The following CNGB3 variants were observed in gnomAD, a reference collection of about 807,000 sequenced individuals.
CNGB3 encodes cyclic nucleotide-gated channel beta-3.
Under a neutral mutation model 92.8 loss-of-function variants are expected in CNGB3, and 86 were observed. That is an observed-to-expected ratio of 0.93 (90% CI 0.78 to 1.11). The LOEUF is 1.11. CNGB3 is among the 50% of genes least tolerant of loss of function. The probability of loss-of-function intolerance (pLI) is 0.00; values close to 1 mark genes in which losing one functional copy is unlikely to be tolerated. For missense variants in CNGB3, 1,026 were observed against 956.8 expected, an observed-to-expected ratio of 1.07 and a Z score of -0.95; for synonymous variants, 333 against 332.7, an observed-to-expected ratio of 1.00 and a Z score of -0.01.
Position 86,658,986 on chromosome 8 carries a change from T to G in CNGB3, c.853-4924A>C, listed in dbSNP as rs537330288. On this transcript the variant is annotated intron_variant, in intron 6 of 17. Coordinates refer to ENST00000320005, the MANE Select transcript of CNGB3 (RefSeq NM_019098.5). ...ATTGTCTTGCACCTGGGCTTGGAGC[T>G]GTCCTGCCAGACCCTCCAGCTCCTT... The G allele has an allele frequency of 5.6e-6, 6 of 1,076,688 alleles. No individual in the cohort carries two copies. The East Asian group carries it at 1.2e-4, about 22-fold the overall frequency. The allele number at this position is 1,076,688 out of a possible 1,614,324, so 66.7% of individuals were successfully genotyped here.
intron 2 of CNGB3, 145 bp from the exon 3 acceptor site, chr8:86,726,802 G>C: frequency 1.1e-6 from 1 of 896,016 alleles, no homozygotes; most frequent in Non-Finnish European, 1.8e-6. Context: ...GCTAAACAAA[G>C]TAGGACTTTA....
chr8:86,605,159 G>A (rs1327509522), intron 14 of CNGB3, among the ~76,000 whole-genome samples: 1 of 152,026 alleles, frequency 6.6e-6, no homozygotes. Context: ...TCTTTTTCTT[G>A]CTATTCTTGC....
intron 2 of CNGB3, 25 bp downstream of exon 2, chr8:86,739,630 T>C: frequency 6.2e-7 from 1 of 1,600,148 alleles, no homozygotes; most frequent in African/African-American, 1.3e-5. Flanking sequence ...GTTTTTTTTT[T>C]TTTTTTTTCA....
intron 7 of CNGB3, among the ~76,000 whole-genome samples, chr8:86,651,958 T>C (rs928992605): frequency 1.3e-5 from 2 of 151,974 alleles, no homozygotes; most frequent in African/African-American, 4.8e-5. Flanking sequence ...TCATAGCATG[T>C]ACTTACATAA....
chr8:86,651,468 T>C (rs1350033721), intron 7 of CNGB3, among the ~76,000 whole-genome samples: 1 of 151,902 alleles, frequency 6.6e-6, no homozygotes, highest in East Asian at 1.9e-4. Flanking sequence ...GATTTCACTG[T>C]AGAGGTATCG....
chr8:86,712,384 G>A (rs956556951), intron 3 of CNGB3, among the ~76,000 whole-genome samples: 3 of 152,008 alleles, frequency 2.0e-5, no homozygotes, highest in African/African-American at 4.8e-5. Context: ...GGCTGTAGAA[G>A]AATTAGCATT....
chr8:86,606,121 T>C (rs1277605783), intron 14 of CNGB3, among the ~76,000 whole-genome samples: 1 of 150,320 alleles, frequency 6.7e-6, no homozygotes, highest in Non-Finnish European at 1.5e-5. Context: ...GTAAAATACA[T>C]TTTTAAATTA....
At chr8:86,651,803 A>G (rs1823409211) in intron 7 of CNGB3, among the ~76,000 whole-genome samples, 1 of 151,980 alleles carries the variant, frequency 6.6e-6, no homozygotes, top group South Asian at 2.1e-4. Flanking sequence ...GTTGGGGTTG[A>G]AATAGGAGTA....
intron 2 of CNGB3, among the ~76,000 whole-genome samples, chr8:86,732,402 C>A (rs111997593): frequency 1.6e-3 from 245 of 152,266 alleles, no homozygotes; most frequent in African/African-American, 5.8e-3. Flanking sequence ...AGTCAGACTA[C>A]TCCCTTTGGA....
chr8:86,675,969 T>G (rs912316973), intron 3 of CNGB3, among the ~76,000 whole-genome samples: 1 of 152,198 alleles, frequency 6.6e-6, no homozygotes, highest in East Asian at 1.9e-4. Flanking sequence ...GCGAGTTAAG[T>G]TTTTTGTTGT....
chr8:86,633,217 A>C (rs1822996572), intron 10 of CNGB3, among the ~76,000 whole-genome samples: 1 of 152,226 alleles, frequency 6.6e-6, no homozygotes. Flanking sequence ...TTTATGTTCC[A>C]TGATGACCGG....
At chr8:86,589,982 T>C (rs1821990639) in intron 15 of CNGB3, among the ~76,000 whole-genome samples, 4 of 146,544 alleles carry the variant, frequency 2.7e-5, no homozygotes, top group Admixed American at 2.7e-4. Context: ...CTAAGTCTCT[T>C]TGTAGGTCAC....
At chr8:86,657,433 A>G (rs1823532626) in intron 6 of CNGB3, 3 of 503,962 alleles carry the variant, frequency 6.0e-6, no homozygotes, top group Non-Finnish European at 1.2e-5. Context: ...AGAAAAATGG[A>G]ATGCAGGGGT....
At chr8:86,719,615 C>A (rs779739730) in intron 3 of CNGB3, among the ~76,000 whole-genome samples, 1 of 152,030 alleles carries the variant, frequency 6.6e-6, no homozygotes. Flanking sequence ...AAAAATACCA[C>A]CATCATTCTT....
At chr8:86,717,561 CAAAAA>C (rs35692774) in intron 3 of CNGB3, among the ~76,000 whole-genome samples, 1 of 119,606 alleles carries the variant, frequency 8.4e-6, no homozygotes. Context: ...GACTCTGTCT[CAAAAA>C]AAAAAAAAAA....
intron 1 of CNGB3, among the ~76,000 whole-genome samples, chr8:86,742,974 G>A (rs907105947): frequency 6.6e-6 from 1 of 152,288 alleles, no homozygotes; most frequent in Admixed American, 6.5e-5. Context: ...ATGATAGGAT[G>A]TTGAGCAGCA....
intron 10 of CNGB3, among the ~76,000 whole-genome samples, chr8:86,635,127 G>A (rs1358019146): frequency 2.0e-5 from 3 of 152,030 alleles, no homozygotes; most frequent in African/African-American, 7.2e-5. Flanking sequence ...TGAACTTGAT[G>A]TCAAAGAGAA....
chr8:86,580,104 C>A (rs1821733364), intron 15 of CNGB3, among the ~76,000 whole-genome samples: 1 of 148,108 alleles, frequency 6.8e-6, no homozygotes, highest in Non-Finnish European at 1.5e-5. Flanking sequence ...TCTTATATGG[C>A]AGCAGGAAAG....
chr8:86,653,941 T>A, intron 7 of CNGB3, 71 bp downstream of exon 7: 3 of 1,030,620 alleles, frequency 2.9e-6, no homozygotes, highest in Non-Finnish European at 4.6e-6. Context: ...TTTATAGAAA[T>A]CTATAGATGG....
Sources: allele counts gnomAD v4.1 joint callset (sites outside exome capture counted in the v4.1 genomes callset), GRCh38; gene constraint gnomAD v4.1.1; transcripts MANE v1.5; gene names NCBI Gene and HGNC (gene_info 2026-07-23, HGNC 2026-07-21).